Variants in SMUG1 observed in about 807,000 individuals in gnomAD.
The protein encoded by SMUG1 is single-strand selective monofunctional uracil DNA glycosylase.
SMUG1 carries 13 observed loss-of-function variants against 23.9 expected under a neutral mutation model. That is an observed-to-expected ratio of 0.54 (90% confidence interval 0.35 to 0.86). SMUG1 has a LOEUF of 0.86. Among genes scored for constraint, SMUG1 ranks in the 40% least tolerant of loss-of-function variants. The pLI is 0.01. For synonymous variants in SMUG1, 133 were observed against 139.8 expected, an observed-to-expected ratio of 0.95 and a Z score of 0.34; for missense variants, 313 against 339.5, an observed-to-expected ratio of 0.92 and a Z score of 0.61.
chr12:54,159,279 T>C (rs984116256), intron 4 of SMUG1, among the ~76,000 whole-genome samples: 1 of 151,974 alleles, frequency 6.6e-6, no homozygotes, highest in Admixed American at 6.6e-5. Flanking sequence ...CCCCAACAGG[T>C]AGAGCTGAGC....
At position 54,182,290 on chromosome 12, in the gene SMUG1, C is replaced by G; in HGVS notation, c.619G>C (p.Val207Leu). Residue 207 changes from valine to leucine, a missense_variant, in exon 4 of 4, where the codon GTG becomes CTG. Transcript: ENST00000682136. ...ALCRQVQLLG[V>L]RLVVGVGRLA... ...CGCCCAACTCCCACCACCAGCCGCA[C>G]CCCCAGCAGCTGCACCTGCCGGCAG... 1 of 1,612,732 alleles carries G rather than the reference C, an allele frequency of 6.2e-7. No homozygotes were observed. Among genetic ancestry groups the G allele is most frequent in the African/African-American group, 1.3e-5 (1 of 75,012 alleles).
At chr12:54,171,495 T>G (rs192668931) in intron 3 of SMUG1, among the ~76,000 whole-genome samples, 176 of 150,566 alleles carry the variant, frequency 1.2e-3, no homozygotes, top group East Asian at 6.1e-3. Context: ...AATGAGACTA[T>G]CCTGGCCAAC....
At position 54,181,360 on chromosome 12, in the gene SMUG1, G is replaced by A; in HGVS notation, c.*736C>T. On this transcript the variant is annotated 3_prime_UTR_variant, in exon 4 of 4. Transcript: ENST00000682136. ...AGAGGCAAGAAAACAAGAAGACTAT[G>A]TAATGAGCACCCACATGCCAAGCCC... is the stretch of plus-strand genomic sequence containing the variant. 2 of 604,060 alleles carry A rather than the reference G, an allele frequency of 3.3e-6. No homozygotes were observed. Among genetic ancestry groups the A allele is most frequent in the South Asian group, 2.0e-5 (1 of 49,814 alleles). The allele number at this position is 604,060 out of a possible 1,614,324, so 37.4% of individuals were successfully genotyped here.
chr12:54,183,401 A>T, intron 3 of SMUG1: 1 of 570,834 alleles, frequency 1.8e-6, no homozygotes, highest in Non-Finnish European at 3.1e-6. Flanking sequence ...TGGCGGAAGG[A>T]AGGGCTCTCA....
chr12:54,170,416 G>A (rs1442289769), intron 3 of SMUG1, among the ~76,000 whole-genome samples: 1 of 151,986 alleles, frequency 6.6e-6, no homozygotes, highest in Non-Finnish European at 1.5e-5. Flanking sequence ...TGTTTGGAGG[G>A]GAATGAAGCA....
intron 2 of SMUG1, among the ~76,000 whole-genome samples, chr12:54,173,551 C>T (rs1184056183): frequency 1.3e-5 from 2 of 152,206 alleles, no homozygotes; most frequent in Non-Finnish European, 2.9e-5. Context: ...AAACGCCGCC[C>T]GCGCGGCCCG....
chr12:54,182,263 G>C lies in SMUG1; in HGVS notation c.646C>G (p.Leu216Val). The C allele has an allele frequency of 1.2e-6, 2 of 1,612,028 alleles. No homozygotes were observed. Among genetic ancestry groups the C allele is most frequent in the Non-Finnish European group, 8.5e-7 (1 of 1,178,704 alleles). Residue 216 changes from leucine to valine, a missense_variant, in exon 4 of 4, where the codon CTG becomes GTG. Transcript: ENST00000682136. ...GCCCGTCGTGCCCGCTGCTCTGCCAGTCGCCCAACTCCCACCACCAGCCGC... is the reference window on the plus strand; with the variant it reads ...GCCCGTCGTGCCCGCTGCTCTGCCACTCGCCCAACTCCCACCACCAGCCGC... ...GVRLVVGVGR[L>V]AEQRARRALA... is the part of the protein sequence containing the mutation.
Position 54,183,964 on chromosome 12 carries a change from G to A in SMUG1, c.-19-5C>T, listed in dbSNP as rs763492852. 303 of 1,496,282 alleles carry A rather than the reference G, an allele frequency of 2.0e-4. No homozygotes were observed. Among genetic ancestry groups the A allele is most frequent in the Middle Eastern group, 1.1e-3 (6 of 5,608 alleles). The allele number at this position is 1,496,282 out of a possible 1,614,324, so 92.7% of individuals were successfully genotyped here. A position where few individuals can be genotyped will look rare whatever the true frequency, so the allele number is the denominator to read the frequency against. ...ATATGTCCATGCCGCTGTCACCTGG[G>A]AAAAGAGATGGACAGAAGCCCCATC... is the stretch of plus-strand genomic sequence containing the variant. On this transcript the variant is annotated splice_region_variant and splice_polypyrimidine_tract_variant and intron_variant, in intron 2 of 3. Coordinates refer to ENST00000682136, the MANE Select transcript of SMUG1 (RefSeq NM_001243787.2).
Position 54,181,480 on chromosome 12 carries a change from G to C in SMUG1, c.*616C>G. 7.4e-7 allele frequency: 1 copy of C among 1,349,258 alleles called. No individual in the cohort carries two copies. The highest frequency in any genetic ancestry group is 1.2e-5 in the South Asian group (1 of 80,034). 83.6% of individuals were successfully genotyped at this position (1,349,258 alleles called of 1,614,324 possible). A position where few individuals can be genotyped will look rare whatever the true frequency, so the allele number is the denominator to read the frequency against. ...TTACAGATGAGGAGCCTGAGGCATA[G>C]AGAGGTTTATTAATTTGTCAATCAA... On this transcript the variant is annotated 3_prime_UTR_variant, in exon 4 of 4. Transcript: ENST00000682136.
downstream of SMUG1, among the ~76,000 whole-genome samples, chr12:54,176,668 G>A (rs1466968261): frequency 4.6e-5 from 7 of 151,324 alleles, no homozygotes; most frequent in Non-Finnish European, 7.4e-5. Flanking sequence ...TTAGCCGGGC[G>A]TGGTAGCGGG....
intron 3 of SMUG1, chr12:54,168,353 C>T (rs536026866): frequency 1.3e-5 from 2 of 152,322 alleles, no homozygotes; most frequent in East Asian, 3.9e-4. Flanking sequence ...CAAAATGTGA[C>T]TTCAGAGCCA....
rs1029143301 is a variant in SMUG1, at chr12:54,172,025, C to G, written c.*52G>C. ...GGTCCTGGCCCTCATCCCCTCTTAC[C>G]TGATACTGCAATCAGCTCCTGACTG... On this transcript the variant is annotated splice_region_variant and 3_prime_UTR_variant and NMD_transcript_variant, in exon 3 of 5. Coordinates refer to the SMUG1 transcript ENST00000509864. 5 of 452,350 alleles carry G rather than the reference C, an allele frequency of 1.1e-5. No individual in the cohort carries two copies. In the Admixed American group the frequency reaches 1.2e-4, roughly 11 times the overall value. 28.0% of individuals were successfully genotyped at this position (452,350 alleles called of 1,614,324 possible). A position where few individuals can be genotyped will look rare whatever the true frequency, so the allele number is the denominator to read the frequency against.
chr12:54,161,293 G>A (rs759725803), downstream of SMUG1, among the ~76,000 whole-genome samples: 84 of 152,134 alleles, frequency 5.5e-4, 2 homozygotes, highest in Non-Finnish European at 1.8e-4. This position sits in a 1 kb window ranked among gnomAD's most constrained non-coding sequence, Gnocchi z 4.2. Flanking sequence ...CCGAGAGCAG[G>A]CCCAGCCGCC....
chr12:54,188,298 TAATAATAATAATAATAA>T, intron 1 of SMUG1, among the ~76,000 whole-genome samples: 1 of 60,988 alleles, frequency 1.6e-5, no homozygotes, highest in Admixed American at 1.4e-4. Flanking sequence ...TAATAATAAA[TAATAATAATAATAATAA>T]TAATAATAAT....
At chr12:54,179,763 C>T (rs1226101239), downstream of SMUG1, among the ~76,000 whole-genome samples, 2 of 152,160 alleles carry the variant, frequency 1.3e-5, no homozygotes, top group African/African-American at 4.8e-5. Context: ...CCGCCACCCA[C>T]CCTGAGGTTG....
chr12:54,171,158 T>C (rs1940605042), intron 3 of SMUG1, among the ~76,000 whole-genome samples: 1 of 151,520 alleles, frequency 6.6e-6, no homozygotes, highest in Non-Finnish European at 1.5e-5. Context: ...CGCCACCACA[T>C]CTGGCTAATT....
At chr12:54,187,032 T>TA (rs1942637695) in intron 2 of SMUG1, 1 of 152,054 alleles carries the variant, frequency 6.6e-6, no homozygotes, top group Non-Finnish European at 1.5e-5. Context: ...AAAAATAAAA[T>TA]AAACAGCTTT....
At chr12:54,188,418 G>C (rs1053025406) in intron 1 of SMUG1, 1 of 151,314 alleles carries the variant, frequency 6.6e-6, no homozygotes. Context: ...ACGAGGTCAG[G>C]ACTTCGAGAC....
downstream of SMUG1, among the ~76,000 whole-genome samples, chr12:54,176,275 T>G (rs1413944327): frequency 2.6e-5 from 4 of 151,472 alleles, no homozygotes; most frequent in South Asian, 6.3e-4. Flanking sequence ...ATCCCAGCAC[T>G]TTAGGAGGCT....
Sources: allele counts gnomAD v4.1 joint callset (sites outside exome capture counted in the v4.1 genomes callset), GRCh38; gene constraint gnomAD v4.1.1; non-coding constraint Gnocchi (gnomAD v3.1); transcripts MANE v1.5; gene names NCBI Gene and HGNC (gene_info 2026-07-23, HGNC 2026-07-21).